Variants in ZDHHC14 observed in about 807,000 individuals in gnomAD.
The protein encoded by ZDHHC14 is palmitoyltransferase ZDHHC14.
A neutral mutation model predicts 47.7 loss-of-function variants in ZDHHC14; 16 were observed. The ratio of observed to expected loss-of-function variants is 0.34; its 90% confidence interval spans 0.23 to 0.51. ZDHHC14 has a LOEUF of 0.51. Among genes scored for constraint, ZDHHC14 ranks in the 20% least tolerant of loss-of-function variants. The probability of loss-of-function intolerance (pLI) is 0.97; values close to 1 mark genes in which losing one functional copy is unlikely to be tolerated. For missense variants in ZDHHC14, 515 were observed against 662.5 expected, an observed-to-expected ratio of 0.78 and a Z score of 2.44; for synonymous variants, 293 against 278.9, an observed-to-expected ratio of 1.05 and a Z score of -0.50.
At chr6:157,392,252 A>G (rs1385500371) in intron 1 of ZDHHC14, among the ~76,000 whole-genome samples, 1 of 152,242 alleles carries the variant, frequency 6.6e-6, no homozygotes, top group South Asian at 2.1e-4. Flanking sequence ...AATTAAGAGC[A>G]TGGTTTATAG....
At chr6:157,391,314 C>T (rs975085654) in intron 1 of ZDHHC14, among the ~76,000 whole-genome samples, 1 of 152,176 alleles carries the variant, frequency 6.6e-6, no homozygotes, top group Non-Finnish European at 1.5e-5. Context: ...GAAATCTTCC[C>T]TGTACAGCTG....
In ZDHHC14 at chr6:157,673,127, C is replaced by T. The variant is rs771646178; in HGVS notation, c.*5C>T. The stretch of plus-strand genomic sequence containing the variant: ...GTGAAGCTCAGCTCCGTGTGACCCA[C>T]ATGGCCCCAGGCCGGGGGACACCAG... On this transcript the variant is annotated 3_prime_UTR_variant, in exon 9 of 9. Coordinates refer to ENST00000359775, the MANE Select transcript of ZDHHC14 (RefSeq NM_024630.3). The surrounding 1 kb of genome is among the most constrained non-coding windows in gnomAD (Gnocchi z 5.4). 3.8e-6 allele frequency: 6 copies of T among 1,567,888 alleles called. No homozygotes were observed. The African/African-American group carries it at 4.1e-5, about 11-fold the overall frequency.
At chr6:157,604,401 G>T (rs1389605794) in intron 3 of ZDHHC14, among the ~76,000 whole-genome samples, 1 of 152,138 alleles carries the variant, frequency 6.6e-6, no homozygotes, top group Non-Finnish European at 1.5e-5. Flanking sequence ...GCATCTGTGG[G>T]TTTCGATATC....
chr6:157,653,720 C>T lies in ZDHHC14; in HGVS notation c.1068+93C>T. The stretch of plus-strand genomic sequence containing the variant: ...CAAGCAGCCTTCCTAGCAAACCTCC[C>T]CAGGAGCGGGGGCAGCCCACAGCCG... On this transcript the variant is annotated intron_variant, in intron 8 of 8. Coordinates refer to ENST00000359775, the MANE Select transcript of ZDHHC14 (RefSeq NM_024630.3). 10 of 1,330,660 alleles carry T rather than the reference C, an allele frequency of 7.5e-6. No homozygotes were observed. The South Asian group carries it at 1.1e-4, about 15-fold the overall frequency. The allele number at this position is 1,330,660 out of a possible 1,614,324, so 82.4% of individuals were successfully genotyped here.
At chr6:157,392,369 C>A (rs746951118) in intron 1 of ZDHHC14, among the ~76,000 whole-genome samples, 1 of 151,626 alleles carries the variant, frequency 6.6e-6, no homozygotes, top group Non-Finnish European at 1.5e-5. Flanking sequence ...AATTTTTTTT[C>A]TTTTTCTTTA....
chr6:157,393,597 G>T (rs544493939), intron 1 of ZDHHC14, among the ~76,000 whole-genome samples: 1 of 152,282 alleles, frequency 6.6e-6, no homozygotes, highest in African/African-American at 2.4e-5. Context: ...TAAAATGTGT[G>T]TTCCTGGCAA....
chr6:157,393,043 C>G (rs1409984719), intron 1 of ZDHHC14, among the ~76,000 whole-genome samples: 1 of 152,022 alleles, frequency 6.6e-6, no homozygotes, highest in Non-Finnish European at 1.5e-5. Context: ...TCACACCCAG[C>G]TAATTTTGTA....
intron 1 of ZDHHC14, among the ~76,000 whole-genome samples, chr6:157,440,552 C>T (rs905449143): frequency 2.6e-5 from 4 of 152,192 alleles, no homozygotes; most frequent in African/African-American, 9.7e-5. Flanking sequence ...AATTCCATTT[C>T]TAGGAATATA....
At chr6:157,448,093 A>G (rs1178767256) in intron 1 of ZDHHC14, among the ~76,000 whole-genome samples, 1 of 152,098 alleles carries the variant, frequency 6.6e-6, no homozygotes, top group Non-Finnish European at 1.5e-5. Context: ...TACCTGGGTT[A>G]CTTTTGAACT....
chr6:157,574,309 G>A (rs1430309842), intron 2 of ZDHHC14, among the ~76,000 whole-genome samples: 3 of 152,120 alleles, frequency 2.0e-5, no homozygotes, highest in Non-Finnish European at 4.4e-5. Context: ...TGTAATCCCA[G>A]CTACTCCAGA....
chr6:157,652,420 G>A (rs370337251), intron 7 of ZDHHC14, among the ~76,000 whole-genome samples: 204 of 152,266 alleles, frequency 1.3e-3, no homozygotes, highest in African/African-American at 4.5e-3. Flanking sequence ...AAGATTCTGC[G>A]CTGTGGGTGT....
intron 3 of ZDHHC14, among the ~76,000 whole-genome samples, chr6:157,602,352 C>A (rs1258032083): frequency 6.6e-6 from 1 of 151,038 alleles, no homozygotes; most frequent in Non-Finnish European, 1.5e-5. Flanking sequence ...ACTAAAAATC[C>A]AAAAATTAGC....
rs373273337 is a variant in ZDHHC14, at chr6:157,673,011, G to A, written c.1356G>A (p.Ala452=). The A allele has an allele frequency of 2.4e-5, 38 of 1,572,606 alleles. No individual in the cohort carries two copies. Among genetic ancestry groups the A allele is most frequent in the African/African-American group, 1.1e-4 (8 of 74,046 alleles). The change falls in exon 9 of 9, where the codon GCG becomes GCA. Residue 452 remains alanine, a synonymous_variant. Transcript: ENST00000359775. This position sits in a 1 kb window ranked among gnomAD's most constrained non-coding sequence, Gnocchi z 5.4. The stretch of plus-strand genomic sequence containing the variant: ...CGCCCTCGCCCCCCAGGCTACTGGC[G>A]GCGGGCAGCCCCCTGGCGCACAGCC... ...DEAPSPPRLL[A]AGSPLAHSRT...
chr6:157,458,934 A>G (rs1260491394), intron 1 of ZDHHC14, among the ~76,000 whole-genome samples: 2 of 137,576 alleles, frequency 1.5e-5, no homozygotes, highest in Admixed American at 1.6e-4. Flanking sequence ...GGCTCACTGC[A>G]AACTCCATCT....
chr6:157,420,610 C>T (rs147266025), intron 1 of ZDHHC14, among the ~76,000 whole-genome samples: 1 of 152,298 alleles, frequency 6.6e-6, no homozygotes, highest in African/African-American at 2.4e-5. Flanking sequence ...GGGCCATTAC[C>T]AGTGCGACTG....
intron 2 of ZDHHC14, among the ~76,000 whole-genome samples, chr6:157,587,904 G>T (rs944711488): frequency 2.0e-5 from 3 of 152,140 alleles, no homozygotes; most frequent in Admixed American, 6.5e-5. Flanking sequence ...TCACTAGCTT[G>T]AGGCCAGTTG....
intron 1 of ZDHHC14, among the ~76,000 whole-genome samples, chr6:157,499,521 A>G (rs1036090057): frequency 1.1e-4 from 17 of 148,528 alleles, no homozygotes; most frequent in African/African-American, 4.2e-4. Flanking sequence ...TAGGGTTTCA[A>G]CATATATATG....
At chr6:157,466,815 G>A (rs982374618) in intron 1 of ZDHHC14, among the ~76,000 whole-genome samples, 5 of 152,014 alleles carry the variant, frequency 3.3e-5, no homozygotes, top group African/African-American at 9.7e-5. Context: ...CAGTCTGGGC[G>A]ACAGAGTGAG....
chr6:157,444,232 G>T (rs1778615573), intron 1 of ZDHHC14, among the ~76,000 whole-genome samples: 1 of 152,216 alleles, frequency 6.6e-6, no homozygotes, highest in African/African-American at 2.4e-5. Flanking sequence ...CAGTTAGTGA[G>T]CATATCATAC....
Sources: allele counts gnomAD v4.1 joint callset (sites outside exome capture counted in the v4.1 genomes callset), GRCh38; gene constraint gnomAD v4.1.1; non-coding constraint Gnocchi (gnomAD v3.1); transcripts MANE v1.5; gene names NCBI Gene and HGNC (gene_info 2026-07-23, HGNC 2026-07-21).